LOXHD1: variants seen among roughly 807,000 people sequenced by gnomAD.
The protein encoded by LOXHD1 is lipoxygenase homology domain-containing protein 1.
Under a neutral mutation model 248.2 loss-of-function variants are expected in LOXHD1, and 205 were observed. The observed-to-expected ratio is 0.83, with a 90% CI of 0.74 to 0.93. The LOEUF (loss-of-function observed/expected upper bound fraction) is 0.93. Among genes scored for constraint, LOXHD1 ranks in the 40% least tolerant of loss-of-function variants. The pLI, the probability that LOXHD1 is intolerant of heterozygous loss-of-function variation, is 0.00. For synonymous variants in LOXHD1, 1,113 were observed against 1,162.8 expected, an observed-to-expected ratio of 0.96 and a Z score of 0.87; for missense variants, 2,930 against 2,971.6, an observed-to-expected ratio of 0.99 and a Z score of 0.33.
chr18:46,560,328 T>C lies in LOXHD1; in HGVS notation c.2816A>G (p.Lys939Arg). 6.4e-7 allele frequency: 1 copy of C among 1,551,678 alleles called. No individual in the cohort carries two copies. The highest frequency in any genetic ancestry group is 1.2e-5 in the South Asian group (1 of 84,006). Reference protein sequence around the residue: ...KERLKAKLQRKKKKRKGSDEE... With the variant: ...KERLKAKLQRRKKKRKGSDEE... The stretch of plus-strand genomic sequence containing the variant: ...GTCGCTGCCCTTCCTCTTCTTCTTC[T>C]TCCTCTGCAGCTTGGCCTTCAGCCG... Residue 939 changes from lysine to arginine, a missense_variant, in exon 19 of 41, where the codon AAG becomes AGG. Physicochemically the swap from Lys to Arg is conservative, Grantham distance 26 (BLOSUM62 2). Transcript: ENST00000642948.
Position 46,603,796 on chromosome 18 carries a change from A to G in LOXHD1, c.883+310T>C, listed in dbSNP as rs546010104. Reference sequence around the variant, plus strand: ...ATACTAAGCACTCAATATCAGGAAGAGTTCAGATCAATGTCCTGGGAAACA... The same window carrying G: ...ATACTAAGCACTCAATATCAGGAAGGGTTCAGATCAATGTCCTGGGAAACA... On this transcript the variant is annotated intron_variant, in intron 7 of 40. Transcript: ENST00000642948. 5.3e-5 allele frequency among the ~76,000 whole-genome samples: 8 copies of G among 152,342 alleles called. No individual in the cohort carries two copies. The East Asian group carries it at 1.4e-3, about 26-fold the overall frequency.
chr18:46,509,263 A>G (rs988199441), intron 35 of LOXHD1, among the ~76,000 whole-genome samples: 24 of 152,234 alleles, frequency 1.6e-4, no homozygotes, highest in African/African-American at 5.1e-4. Context: ...GAGGCCCACA[A>G]TGGAAAAAGA....
chr18:46,490,928 C>G (rs769385050), intron 37 of LOXHD1, among the ~76,000 whole-genome samples: 1 of 152,162 alleles, frequency 6.6e-6, no homozygotes, highest in Non-Finnish European at 1.5e-5. Flanking sequence ...GCCTCAAGTG[C>G]GACTGCTGGC....
At position 46,547,013 on chromosome 18, in the gene LOXHD1, A is replaced by T. The variant is rs1299522610; in HGVS notation, c.3396T>A (p.Asp1132Glu). The T allele has an allele frequency of 6.4e-7, 1 of 1,551,658 alleles. No individual in the cohort carries two copies. The highest frequency in any genetic ancestry group is 1.4e-5 in the African/African-American group (1 of 73,062). Residue 1132 changes from aspartate to glutamate, a missense_variant, in exon 22 of 41, where the codon GAT becomes GAA. Coordinates refer to ENST00000642948, the MANE Select transcript of LOXHD1 (RefSeq NM_001384474.1). ...GCAACAGCTCCCTGGACAGCTGGCCATCATCTTCCTCCACTGCCAGCCAAC... is the reference window on the plus strand; with the variant it reads ...GCAACAGCTCCCTGGACAGCTGGCCTTCATCTTCCTCCACTGCCAGCCAAC... ...CQRWLAVEEDDGQLSRELLPV... is the reference protein window; with the variant it reads ...CQRWLAVEEDEGQLSRELLPV...
chr18:46,495,663 G>A (rs2033814607), intron 37 of LOXHD1, among the ~76,000 whole-genome samples: 1 of 152,068 alleles, frequency 6.6e-6, no homozygotes, highest in Non-Finnish European at 1.5e-5. Context: ...CAGTACTAAG[G>A]AAATTTACAT....
chr18:46,515,672 A>G (rs760456688), intron 34 of LOXHD1, among the ~76,000 whole-genome samples: 1 of 152,202 alleles, frequency 6.6e-6, no homozygotes, highest in Non-Finnish European at 1.5e-5. Flanking sequence ...AAATCCAGGA[A>G]TATGGGGTTG....
rs34589386 is a variant in LOXHD1, at chr18:46,577,801, C to A, written c.1876G>T (p.Gly626Cys). Residue 626 changes from glycine to cysteine, a missense_variant, in exon 14 of 41, where the codon GGC becomes TGC. Gly to Cys is a radical substitution (Grantham distance 159, BLOSUM62 -3). Transcript: ENST00000642948. ...TACCAGCCGCTGCCGGAGCCTTTGCCATCGTGTCTGATCCTCACCCGCCTC... is the reference window on the plus strand; with the variant it reads ...TACCAGCCGCTGCCGGAGCCTTTGCAATCGTGTCTGATCCTCACCCGCCTC... The part of the protein sequence containing the change: ...NVRRVRIRHD[G>C]KGSGSGWYLD... 21,821 of 1,551,672 alleles carry A rather than the reference C, an allele frequency of 0.014. 267 individuals carry two copies. The highest frequency in any genetic ancestry group is 0.038 in the Middle Eastern group (228 of 5,992).
chr18:46,537,698 G>C (rs1416547363), intron 26 of LOXHD1, among the ~76,000 whole-genome samples: 2 of 152,238 alleles, frequency 1.3e-5, no homozygotes, highest in Non-Finnish European at 2.9e-5. Context: ...CATACAGAAT[G>C]CTCTTCTCTA....
chr18:46,555,853 T>G (rs885358), intron 21 of LOXHD1, among the ~76,000 whole-genome samples: 5,973 of 151,990 alleles, frequency 0.039, 152 homozygotes, highest in Middle Eastern at 0.11. Context: ...CTCCCTGGGG[T>G]GTGGACCTAT....
At chr18:46,596,798 C>T (rs1327328946) in intron 8 of LOXHD1, among the ~76,000 whole-genome samples, 1 of 152,170 alleles carries the variant, frequency 6.6e-6, no homozygotes, top group Admixed American at 6.5e-5. Flanking sequence ...ATTAGACGAA[C>T]AGAAGCCAGA....
intron 6 of LOXHD1, among the ~76,000 whole-genome samples, chr18:46,610,541 AGAG>A (rs1164126356): frequency 6.6e-6 from 1 of 151,328 alleles, no homozygotes; most frequent in Non-Finnish European, 1.5e-5. Flanking sequence ...TAAAAAGAAA[AGAG>A]AGAGAGAGAG....
At position 46,560,265 on chromosome 18, in the gene LOXHD1, G is replaced by T. The variant is rs1290539447; in HGVS notation, c.2879C>A (p.Ser960Ter). ...CTCCTCCTCTGACGAGGACTCCTCT[G>T]ATGAGGACGACTCCTCTTCCTCCCC... ...DEGEEEESSS[S>*]EESSSEEEEM... The change falls in exon 19 of 41, where the codon TCA becomes TAA. Residue 960 changes from serine to a stop codon, truncating the protein, a stop_gained. Transcript: ENST00000642948. LOFTEE classifies it high-confidence loss of function. 1 of 1,551,722 alleles carries T rather than the reference G, an allele frequency of 6.4e-7. No homozygotes were observed. Among genetic ancestry groups the T allele is most frequent in the South Asian group, 1.2e-5 (1 of 84,056 alleles).
chr18:46,623,070 T>C (rs763417557), intron 4 of LOXHD1, among the ~76,000 whole-genome samples: 2 of 152,222 alleles, frequency 1.3e-5, no homozygotes, highest in Non-Finnish European at 2.9e-5. Context: ...TAGTGTATTA[T>C]CTGTTGTTCA....
intron 12 of LOXHD1, among the ~76,000 whole-genome samples, chr18:46,585,310 C>G (rs2038038851): frequency 6.6e-6 from 1 of 152,014 alleles, no homozygotes; most frequent in South Asian, 2.1e-4. Context: ...AAGGAATTCA[C>G]TAAAAAACTA....
Position 46,594,263 on chromosome 18 carries a change from G to A in LOXHD1, c.1270+68C>T, listed in dbSNP as rs1212294133. ...ACTGCCCTCATAGCTTTTGCCTAGT[G>A]GTCTGACATTCTGGCCTCTGCTGAC... On this transcript the variant is annotated intron_variant, in intron 9 of 40. Transcript: ENST00000642948. 97 of 1,539,284 alleles carry A rather than the reference G, an allele frequency of 6.3e-5. 1 individual carries two copies. The East Asian group carries it at 2.4e-3, about 37-fold the overall frequency.
chr18:46,555,630 C>T (rs1231807479), intron 21 of LOXHD1, among the ~76,000 whole-genome samples: 1 of 152,142 alleles, frequency 6.6e-6, no homozygotes, highest in Non-Finnish European at 1.5e-5. Context: ...CTGGCAGGCC[C>T]TCAGCAGCCC....
At position 46,477,670 on chromosome 18, in the gene LOXHD1, C is replaced by T. The variant is rs1368964159; in HGVS notation, c.6624G>A (p.Leu2208=). ...FERGSTDRFF[L]ETLELGELRK... Reference sequence around the variant, plus strand: ...GCAGCTCACCCAGCTCCAGCGTCTCCAGGAAGAAGCGGTCTGTGCTGCCCC... The same window carrying T: ...GCAGCTCACCCAGCTCCAGCGTCTCTAGGAAGAAGCGGTCTGTGCTGCCCC... Residue 2208 remains leucine, a synonymous_variant, in exon 41 of 41, where the codon CTG becomes CTA. Coordinates refer to ENST00000642948, the MANE Select transcript of LOXHD1 (RefSeq NM_001384474.1). 2 of 1,551,754 alleles carry T rather than the reference C, an allele frequency of 1.3e-6. No individual in the cohort carries two copies. The highest frequency in any genetic ancestry group is 3.9e-5 in the Admixed American group (2 of 50,994).
intron 23 of LOXHD1, among the ~76,000 whole-genome samples, chr18:46,543,606 C>T (rs2036664481): frequency 6.6e-6 from 1 of 152,250 alleles, no homozygotes; most frequent in African/African-American, 2.4e-5. Context: ...TATGATGTTC[C>T]TCTCCCTGTG....
Position 46,577,691 on chromosome 18 carries a change from G to A in LOXHD1, c.1970+16C>T. ...ACCTAAGCTGGAGAAAACACCAGCAGGCAGGACGCATGTACCTGAGACATG... is the reference window on the plus strand; with the variant it reads ...ACCTAAGCTGGAGAAAACACCAGCAAGCAGGACGCATGTACCTGAGACATG... On this transcript the variant is annotated intron_variant, in intron 14 of 40. Transcript: ENST00000642948. 2 of 1,547,294 alleles carry A rather than the reference G, an allele frequency of 1.3e-6. No individual in the cohort carries two copies. The highest frequency in any genetic ancestry group is 1.7e-6 in the Non-Finnish European group (2 of 1,143,346).
Sources: allele counts gnomAD v4.1 joint callset (sites outside exome capture counted in the v4.1 genomes callset), GRCh38; gene constraint gnomAD v4.1.1; transcripts MANE v1.5; gene names NCBI Gene and HGNC (gene_info 2026-07-23, HGNC 2026-07-21).